The following BEND3 variants were observed in gnomAD, a reference collection of about 807,000 sequenced individuals.
The protein encoded by BEND3 is BEN domain containing 3.
BEND3 carries 13 observed loss-of-function variants against 60.1 expected under a neutral mutation model. The observed-to-expected ratio is 0.22, with a 90% confidence interval of 0.14 to 0.34. The LOEUF (loss-of-function observed/expected upper bound fraction) is 0.34, where lower values mean the gene tolerates loss of function less well. Ranked by LOEUF, BEND3 falls within the 10% of genes least tolerant of loss-of-function variation. BEND3 has a pLI of 1.00. For synonymous variants in BEND3, 497 were observed against 491.5 expected (o/e 1.01, Z -0.15); for missense variants, 896 against 1,138.1 (o/e 0.79, Z 3.06).
At chr6:107,089,572 C>G (rs1295537533) in intron 3 of BEND3, among the ~76,000 whole-genome samples, 2 of 145,872 alleles carry the variant, frequency 1.4e-5, no homozygotes, top group Admixed American at 6.9e-5. Context: ...GGCGACACAG[C>G]GAGACTCTGT....
chr6:107,099,715 A>G lies in BEND3; in HGVS notation c.-11-419T>C, dbSNP rs369459671. On this transcript the variant is annotated intron_variant, in intron 1 of 3. Transcript: ENST00000369042. Reference sequence around the variant, plus strand: ...TGAAATCTTAGGACTTACGGTTGTCAAGAGAACTGTGCTGCCCATGACCTG... The same window carrying G: ...TGAAATCTTAGGACTTACGGTTGTCGAGAGAACTGTGCTGCCCATGACCTG... 2.7e-4 allele frequency among the ~76,000 whole-genome samples: 41 copies of G among 152,298 alleles called. 1 individual carries two copies. Among genetic ancestry groups the G allele is most frequent in the African/African-American group, 9.6e-4 (40 of 41,564 alleles).
chr6:107,094,129 C>G (rs1246895531), intron 3 of BEND3, among the ~76,000 whole-genome samples: 3 of 151,606 alleles, frequency 2.0e-5, no homozygotes, highest in Admixed American at 1.3e-4. Context: ...CCGGCACTTT[C>G]GAAGGCTTCA....
chr6:107,095,582 C>A (rs1775570140), intron 3 of BEND3, among the ~76,000 whole-genome samples: 1 of 152,126 alleles, frequency 6.6e-6, no homozygotes, highest in Non-Finnish European at 1.5e-5. Context: ...CACATGAAAA[C>A]CTATACATGG....
intron 1 of BEND3, among the ~76,000 whole-genome samples, chr6:107,106,749 T>G (rs311212): frequency 6.6e-6 from 1 of 151,968 alleles, no homozygotes; most frequent in African/African-American, 2.4e-5. Context: ...GCTAGGACTA[T>G]AGGTGCACGC....
chr6:107,096,650 T>C (rs1775591828), intron 3 of BEND3, among the ~76,000 whole-genome samples: 1 of 152,038 alleles, frequency 6.6e-6, no homozygotes, highest in Admixed American at 6.6e-5. Context: ...AAAAATGAAA[T>C]GCCCACAATA....
intron 3 of BEND3, among the ~76,000 whole-genome samples, chr6:107,089,377 T>C (rs181095271): frequency 7.9e-5 from 12 of 151,692 alleles, no homozygotes; most frequent in Non-Finnish European, 1.5e-4. Flanking sequence ...CGTCAGGAAA[T>C]TGAGACCATC....
At chr6:107,099,681 C>T (rs112040938) in intron 1 of BEND3, among the ~76,000 whole-genome samples, 22 of 152,218 alleles carry the variant, frequency 1.4e-4, no homozygotes, top group African/African-American at 5.3e-4. Flanking sequence ...GGATGGGGGC[C>T]ATGGATCCTG....
In BEND3 at chr6:107,098,543, G is replaced by A; in HGVS notation, c.240+8C>T. ...CCAAGCAAAGAGTGACAGCAGCTAG[G>A]CCCTCACCTCGGGGATCAGCCGCCT... On this transcript the variant is annotated splice_region_variant and intron_variant, in intron 3 of 3. Transcript: ENST00000369042. The A allele has an allele frequency of 3.1e-6, 5 of 1,610,952 alleles. No homozygotes were observed. Among genetic ancestry groups the A allele is most frequent in the Non-Finnish European group, 4.2e-6 (5 of 1,179,824 alleles).
intron 3 of BEND3, among the ~76,000 whole-genome samples, chr6:107,096,260 C>T (rs1324095051): frequency 2.0e-5 from 3 of 152,130 alleles, no homozygotes; most frequent in African/African-American, 4.8e-5. Flanking sequence ...ACCTTGAAAA[C>T]ATTATGCTAA....
chr6:107,084,131 T>C (rs940137986), intron 3 of BEND3, among the ~76,000 whole-genome samples: 19 of 152,196 alleles, frequency 1.2e-4, no homozygotes, highest in African/African-American at 4.6e-4. Flanking sequence ...GCCCCCAGAC[T>C]TGGCGAAACA....
At chr6:107,075,024 C>G (rs1227819569) in intron 3 of BEND3, among the ~76,000 whole-genome samples, 1 of 151,858 alleles carries the variant, frequency 6.6e-6, no homozygotes, top group African/African-American at 2.4e-5. Flanking sequence ...TCACTTGAAC[C>G]CGGGAGGCGG....
chr6:107,098,681 C>T lies in BEND3; in HGVS notation c.110G>A (p.Arg37Lys), dbSNP rs1211913165. 1 of 1,613,968 alleles carries T rather than the reference C, an allele frequency of 6.2e-7. No homozygotes were observed. The highest frequency in any genetic ancestry group is 8.5e-7 in the Non-Finnish European group (1 of 1,180,032). ...DAALDCSVNS[R>K]TSEKHSVDSV... ...GTCCACAGAGTGCTTCTCAGAAGTC[C>T]TGGAATTCACGGAGCAGTCCAGAGC... The change falls in exon 3 of 4, where the codon AGG becomes AAG. Residue 37 changes from arginine to lysine, a missense_variant. By Grantham distance (26) the Arg-to-Lys change is conservative. Around this residue, in one of 4 missense-constraint regions of BEND3, gnomAD observed 846 missense variants for 1,036.7 expected, o/e 0.82. Transcript: ENST00000369042.
Position 107,074,364 on chromosome 6 carries a change from A to G in BEND3, c.241-3414T>C, listed in dbSNP as rs572669553. Among the ~76,000 whole-genome samples the G allele has an allele frequency of 3.3e-5, 5 of 151,978 alleles. No homozygotes were observed. The South Asian group carries it at 1.0e-3, about 32-fold the overall frequency. Reference sequence around the variant, plus strand: ...TGGGAGGCGGAGGTTGCAGTGAGCCAAGATCGTGCCACTGCACTCTGGCCT... The same window carrying G: ...TGGGAGGCGGAGGTTGCAGTGAGCCGAGATCGTGCCACTGCACTCTGGCCT... On this transcript the variant is annotated intron_variant, in intron 3 of 3. Coordinates refer to ENST00000369042, the MANE Select transcript of BEND3 (RefSeq NM_001367314.1).
chr6:107,069,887 T>G lies in BEND3; in HGVS notation c.1304A>C (p.Tyr435Ser). Residue 435 changes from tyrosine (Y) to serine (S), a missense_variant, in exon 4 of 4, where the codon TAC (tyrosine) becomes TCC (serine). Around this residue, in one of 4 missense-constraint regions of BEND3, gnomAD observed 846 missense variants for 1,036.7 expected, o/e 0.82. Coordinates refer to ENST00000369042, the MANE Select transcript of BEND3 (RefSeq NM_001367314.1). ...CAGCTCCTGCTTTCCACCGTCCCCGTAGCAGCTGTACTGTTCACCCAGCTT... is the reference window on the plus strand; with the variant it reads ...CAGCTCCTGCTTTCCACCGTCCCCGGAGCAGCTGTACTGTTCACCCAGCTT... ...HRKLGEQYSCYGDGGKQELDP... is the reference protein window; with the variant it reads ...HRKLGEQYSCSGDGGKQELDP... 6.2e-7 allele frequency: 1 copy of G among 1,613,800 alleles called. No homozygotes were observed. The highest frequency in any genetic ancestry group is 8.5e-7 in the Non-Finnish European group (1 of 1,179,994).
chr6:107,100,976 C>T (rs1339646485), intron 1 of BEND3, among the ~76,000 whole-genome samples: 1 of 151,916 alleles, frequency 6.6e-6, no homozygotes, highest in Non-Finnish European at 1.5e-5. Context: ...CTGGGGTGGG[C>T]GAATCACCTG....
In BEND3 at chr6:107,068,695, C is replaced by G. The variant is rs782733427; in HGVS notation, c.*9G>C. 9.3e-6 allele frequency: 15 copies of G among 1,608,606 alleles called. No individual in the cohort carries two copies. In the East Asian group the frequency reaches 3.1e-4, roughly 33 times the overall value. The stretch of plus-strand genomic sequence containing the variant: ...GGTGACCCCGAATCTCTGGGCAGGT[C>G]ACGGGCCTTCACTTCTCCACTTTCT... On this transcript the variant is annotated 3_prime_UTR_variant, in exon 4 of 4. Transcript: ENST00000369042. The surrounding 1 kb of genome is among the most constrained non-coding windows in gnomAD (Gnocchi z 5.8).
rs782379407 is a variant in BEND3 at position 107,070,723 on chromosome 6, A to G, written c.468T>C (p.Phe156=). Residue 156 remains phenylalanine (F), a synonymous_variant, in exon 4 of 4, where the codon TTT becomes TTC. Transcript: ENST00000369042. This position sits in a 1 kb window ranked among gnomAD's most constrained non-coding sequence, Gnocchi z 6.9. ...SGDLLNVYEL[F]EKANASNSPS... ...GGCTGTTGCTGGCGTTTGCCTTCTC[A>G]AAGAGCTCGTACACGTTTAGCAGGT... The G allele has an allele frequency of 2.5e-6, 4 of 1,613,826 alleles. No homozygotes were observed. In the Admixed American group the frequency reaches 6.7e-5, roughly 27 times the overall value.
At position 107,068,489 on chromosome 6, in the gene BEND3, T is replaced by A. The variant is rs1774878178; in HGVS notation, c.*215A>T. 14 of 568,144 alleles carry A rather than the reference T, an allele frequency of 2.5e-5. No homozygotes were observed. In the South Asian group the frequency reaches 3.1e-4, roughly 12 times the overall value. The allele number at this position is 568,144 out of a possible 1,614,324, so 35.2% of individuals were successfully genotyped here. A position where few individuals can be genotyped will look rare whatever the true frequency, so the allele number is the denominator to read the frequency against. ...ACTCAGGCTGCCCCGCCGGGGCACA[T>A]AGGACAGAAGTTGTAAGTACAAGAG... On this transcript the variant is annotated 3_prime_UTR_variant, in exon 4 of 4. Coordinates refer to ENST00000369042, the MANE Select transcript of BEND3 (RefSeq NM_001367314.1). This position sits in a 1 kb window ranked among gnomAD's most constrained non-coding sequence, Gnocchi z 5.8.
intron 3 of BEND3, among the ~76,000 whole-genome samples, chr6:107,073,224 T>TGTGTGAGCA (rs1554232336): frequency 9.4e-5 from 1 of 10,614 alleles, no homozygotes; most frequent in African/African-American, 3.4e-4. Context: ...TATATATATA[T>TGTGTGAGCA]ATATATATAT....
Sources: gnomAD v4.1 joint callset for allele counts (sites outside exome capture counted in the v4.1 genomes callset) on GRCh38, gnomAD v4.1.1 for gene constraint, gnomAD v4.1.1 regional missense constraint, Gnocchi (gnomAD v3.1) non-coding constraint, MANE v1.5 for transcripts, NCBI Gene and HGNC (gene_info 2026-07-23, HGNC 2026-07-21) for gene names.